The following MAPK3 variants were observed in gnomAD, a reference collection of about 807,000 sequenced individuals.
MAPK3 encodes the protein MAPK 1.
A neutral mutation model predicts 41.8 loss-of-function variants in MAPK3; 30 were observed. The ratio of observed to expected loss-of-function variants is 0.72; its 90% confidence interval spans 0.54 to 0.97. The LOEUF is 0.97. Ranked by LOEUF, MAPK3 falls within the 50% of genes least tolerant of loss-of-function variation. MAPK3 has a pLI of 0.00. For missense variants in MAPK3, 413 were observed against 509.9 expected, an observed-to-expected ratio of 0.81 and a Z score of 1.83; for synonymous variants, 222 against 213.4, an observed-to-expected ratio of 1.04 and a Z score of -0.35.
rs1193845457 is a variant in MAPK3, at chr16:30,116,668, C to A, written c.1140G>T (p.Ter380TyrextTer24). 1 of 1,613,024 alleles carries A rather than the reference C, an allele frequency of 6.2e-7. No homozygotes were observed. The highest frequency in any genetic ancestry group is 1.3e-5 in the African/African-American group (1 of 74,894). Reference protein sequence around the residue: ...RFQPGVLEAP* With the variant: ...RFQPGVLEAPY Reference sequence around the variant, plus strand: ...CAGGGTGCAGAGATGTCTGTCTGGGCTAGGGGGCCTCCAGCACTCCGGGCT... The same window carrying A: ...CAGGGTGCAGAGATGTCTGTCTGGGATAGGGGGCCTCCAGCACTCCGGGCT... Residue 380 changes from the stop codon to tyrosine (Y), a stop_lost, in exon 8 of 9, where the codon TAG becomes TAT. Transcript: ENST00000263025.
At position 30,123,172 on chromosome 16, in the gene MAPK3, T is replaced by TCCCCGCC. The variant is rs2073036352; in HGVS notation, c.31_37dup (p.Glu13GlyfsTer6). 1 of 1,313,676 alleles carries TCCCCGCC rather than the reference T, an allele frequency of 7.6e-7. No homozygotes were observed. The highest frequency in any genetic ancestry group is 1.0e-6 in the Non-Finnish European group (1 of 985,030). 81.4% of individuals were successfully genotyped at this position (1,313,676 alleles called of 1,614,324 possible). A position where few individuals can be genotyped will look rare whatever the true frequency, so the allele number is the denominator to read the frequency against. On this transcript the variant is annotated frameshift_variant, in exon 1 of 9. Transcript: ENST00000263025. LOFTEE classifies it high-confidence loss of function. ...GCCGACCCCCTCGGTTCTACGGGGC[T>TCCCCGCC]CCCCGCCCCCGCCCCCCTGAGCCGC...
intron 2 of MAPK3, 103 bp downstream of exon 2, chr16:30,121,721 T>G: frequency 2.5e-6 from 3 of 1,217,434 alleles, no homozygotes; most frequent in Non-Finnish European, 3.4e-6. Flanking sequence ...CTGGGTTTGT[T>G]TTGGAGGGTG....
rs771108532 is a variant in MAPK3, at chr16:30,121,946, T to A, written c.231A>T (p.Glu77Asp). 6.2e-7 allele frequency: 1 copy of A among 1,614,122 alleles called. No individual in the cohort carries two copies. The highest frequency in any genetic ancestry group is 1.1e-5 in the South Asian group (1 of 91,080). ...GCGTGCGCTGGCAGTAGGTCTGATG[T>A]TCGAAGGGGCTGATCTTCTTGATGG... The part of the protein sequence containing the change: ...RVAIKKISPF[E>D]HQTYCQRTLR... Residue 77 changes from glutamate to aspartate, a missense_variant, in exon 2 of 9, where the codon GAA becomes GAT. Glu to Asp is a conservative substitution (Grantham distance 45). This residue lies in a region of MAPK3 where 145 missense variants were observed against 133.0 expected (regional missense o/e 1.09). Coordinates refer to ENST00000263025, the MANE Select transcript of MAPK3 (RefSeq NM_002746.3).
chr16:30,117,314 G>T, intron 5 of MAPK3, 29 bp from the exon 6 acceptor site: 1 of 1,611,236 alleles, frequency 6.2e-7, no homozygotes, highest in Non-Finnish European at 8.5e-7. Flanking sequence ...CTTGGTAAAT[G>T]ATCACCTCTT....
In MAPK3 at chr16:30,123,172, T is replaced by TCCCCGCCC; in HGVS notation, c.30_37dup (p.Glu13GlyfsTer22). 7.6e-7 allele frequency: 1 copy of TCCCCGCCC among 1,322,490 alleles called. No individual in the cohort carries two copies. Among genetic ancestry groups the TCCCCGCCC allele is most frequent in the Non-Finnish European group, 1.0e-6 (1 of 991,982 alleles). 81.9% of individuals were successfully genotyped at this position (1,322,490 alleles called of 1,614,324 possible). On this transcript the variant is annotated frameshift_variant, in exon 1 of 9. Transcript: ENST00000263025. LOFTEE classifies it high-confidence loss of function. ...GCCGACCCCCTCGGTTCTACGGGGC[T>TCCCCGCCC]CCCCGCCCCCGCCCCCCTGAGCCGC...
chr16:30,120,466 C>T (rs2073005190), intron 2 of MAPK3, among the ~76,000 whole-genome samples: 1 of 152,120 alleles, frequency 6.6e-6, no homozygotes, highest in South Asian at 2.1e-4. Flanking sequence ...GAGAGCCAGA[C>T]AGGAAGTGGA....
intron 5 of MAPK3, 60 bp downstream of exon 5, chr16:30,117,610 G>A (rs1484018996): frequency 1.6e-5 from 22 of 1,376,590 alleles, no homozygotes; most frequent in Middle Eastern, 3.6e-4. Context: ...TTGGACTCTC[G>A]AGAAATCTCA....
Position 30,123,172 on chromosome 16 carries a change from T to TGCCCCCC in MAPK3, c.37_38insGGGGGGC (p.Glu13GlyfsTer6). On this transcript the variant is annotated frameshift_variant, in exon 1 of 9. Coordinates refer to ENST00000263025, the MANE Select transcript of MAPK3 (RefSeq NM_002746.3). LOFTEE classifies it high-confidence loss of function. ...GCCGACCCCCTCGGTTCTACGGGGC[T>TGCCCCCC]CCCCGCCCCCGCCCCCCTGAGCCGC... The TGCCCCCC allele has an allele frequency of 3.0e-6, 4 of 1,322,454 alleles. No homozygotes were observed. Among genetic ancestry groups the TGCCCCCC allele is most frequent in the Non-Finnish European group, 3.0e-6 (3 of 991,958 alleles). The allele number at this position is 1,322,454 out of a possible 1,614,324, so 81.9% of individuals were successfully genotyped here. A position where few individuals can be genotyped will look rare whatever the true frequency, so the allele number is the denominator to read the frequency against.
chr16:30,118,206 T>C, intron 3 of MAPK3, 43 bp from the exon 4 acceptor site: 2 of 1,595,272 alleles, frequency 1.3e-6, no homozygotes, highest in Non-Finnish European at 1.7e-6. Flanking sequence ...TCAAGGCCTC[T>C]GCAGCCTAAG....
chr16:30,115,162 T>C (rs1160229002), intron 8 of MAPK3, among the ~76,000 whole-genome samples: 1 of 151,364 alleles, frequency 6.6e-6, no homozygotes, highest in Non-Finnish European at 1.5e-5. Context: ...GAGGCTGCAG[T>C]GAGCTATGAT....
intron 1 of MAPK3, chr16:30,122,423 G>A (rs1015828682): frequency 3.5e-6 from 1 of 289,298 alleles, no homozygotes; most frequent in African/African-American, 2.2e-5. Flanking sequence ...GACAGGGCAG[G>A]GGAGGGTCCC....
chr16:30,122,870 A>C, intron 1 of MAPK3, 170 bp downstream of exon 1: 162 of 391,848 alleles, frequency 4.1e-4, no homozygotes, highest in East Asian at 9.1e-4. Context: ...CCCCTCCCCC[A>C]GAAAGCACTC....
chr16:30,121,846 T>A lies in MAPK3; in HGVS notation c.331A>T (p.Thr111Ser). Reference sequence around the variant, plus strand: ...TACACATCTCTCATGGCTTCCAGGGTGGACGCCCGCAGAATGTCTCGGATG... The same window carrying A: ...TACACATCTCTCATGGCTTCCAGGGAGGACGCCCGCAGAATGTCTCGGATG... ...IGIRDILRAS[T>S]LEAMRDVYIV... The change falls in exon 2 of 9, where the codon ACC becomes TCC. Residue 111 changes from threonine (T) to serine (S), a missense_variant. Physicochemically the swap from Thr to Ser is moderately conservative, Grantham distance 58. This residue lies in a region of MAPK3 where 140 missense variants were observed against 206.0 expected (regional missense o/e 0.68). Coordinates refer to ENST00000263025, the MANE Select transcript of MAPK3 (RefSeq NM_002746.3). The A allele has an allele frequency of 6.2e-7, 1 of 1,613,824 alleles. No homozygotes were observed. Among genetic ancestry groups the A allele is most frequent in the Non-Finnish European group, 8.5e-7 (1 of 1,179,972 alleles).
At chr16:30,117,030 A>C in intron 6 of MAPK3, 27 bp from the exon 7 acceptor site, 10 of 1,592,820 alleles carry the variant, frequency 6.3e-6, no homozygotes, top group Non-Finnish European at 8.6e-6. Flanking sequence ...GTCAGGGGTC[A>C]CAGGGAAGAC....
chr16:30,114,831 A>G (rs998898843), intron 8 of MAPK3, 123 bp from the exon 9 acceptor site: 1 of 152,232 alleles, frequency 6.6e-6, no homozygotes, highest in African/African-American at 2.4e-5. Flanking sequence ...CAGTTTCCTT[A>G]TCTGTAAATG....
In MAPK3 at chr16:30,122,900, C is replaced by T. The variant is rs890766501; in HGVS notation, c.170+140G>A. 4.0e-5 allele frequency: 30 copies of T among 743,372 alleles called. No homozygotes were observed. The African/African-American group carries it at 5.2e-4, about 13-fold the overall frequency. The allele number at this position is 743,372 out of a possible 1,614,324, so 46.0% of individuals were successfully genotyped here. On this transcript the variant is annotated intron_variant, in intron 1 of 8. Coordinates refer to ENST00000263025, the MANE Select transcript of MAPK3 (RefSeq NM_002746.3). ...GCACTCAGGGGCCCCCTCCCTGGGA[C>T]GCTCCCGATCATCCCGAGTCTCCTG...
Position 30,123,144 on chromosome 16 carries a change from C to A in MAPK3, c.66G>T (p.Pro22=), listed in dbSNP as rs541078439. 5 of 1,535,388 alleles carry A rather than the reference C, an allele frequency of 3.3e-6. No individual in the cohort carries two copies. The highest frequency in any genetic ancestry group is 3.5e-6 in the Non-Finnish European group (4 of 1,140,686). ...GEPRRTEGVG[P]GVPGEVEMVK... is the part of the protein sequence containing the mutation. The stretch of plus-strand genomic sequence containing the variant: ...CCATCTCCACCTCCCCCGGGACCCC[C>A]GGGCCGACCCCCTCGGTTCTACGGG... Residue 22 remains proline (P), a synonymous_variant, in exon 1 of 9, where the codon CCG becomes CCT. Coordinates refer to ENST00000263025, the MANE Select transcript of MAPK3 (RefSeq NM_002746.3).
chr16:30,123,131 C>T lies in MAPK3; in HGVS notation c.79G>A (p.Glu27Lys), dbSNP rs1302416785. The part of the protein sequence containing the change: ...TEGVGPGVPG[E>K]VEMVKGQPFD... ...GGCTGCCCCTTCACCATCTCCACCT[C>T]CCCCGGGACCCCCGGGCCGACCCCC... Residue 27 changes from glutamate (E) to lysine (K), a missense_variant, in exon 1 of 9, where the codon GAG becomes AAG. Physicochemically the swap from Glu to Lys is moderately conservative, Grantham distance 56 (BLOSUM62 1). Transcript: ENST00000263025. 1.9e-6 allele frequency: 3 copies of T among 1,546,528 alleles called. No individual in the cohort carries two copies. The highest frequency in any genetic ancestry group is 2.4e-5 in the South Asian group (2 of 84,308).
Position 30,117,665 on chromosome 16 carries a change from C to A in MAPK3, c.775+5G>T, listed in dbSNP as rs770906203. 6.2e-7 allele frequency: 1 copy of A among 1,612,542 alleles called. No homozygotes were observed. Among genetic ancestry groups the A allele is most frequent in the South Asian group, 1.1e-5 (1 of 91,026 alleles). ...CCCCAACTCAGCCAGCCGGGCCTCC[C>A]TCACCCAGAATGTGGTTGAGCTGAT... On this transcript the variant is annotated splice_donor_5th_base_variant and intron_variant, in intron 5 of 8. Transcript: ENST00000263025.
Sources: gnomAD v4.1 joint callset for allele counts (sites outside exome capture counted in the v4.1 genomes callset) on GRCh38, gnomAD v4.1.1 for gene constraint, gnomAD v4.1.1 regional missense constraint, MANE v1.5 for transcripts, NCBI Gene and HGNC (gene_info 2026-07-23, HGNC 2026-07-21) for gene names.